LRP1B: variants seen among roughly 807,000 people sequenced by gnomAD.
LRP1B encodes the protein LDL receptor related protein 1B.
In LRP1B, 217 loss-of-function variants were observed where a neutral mutation model predicts 556.6. The observed-to-expected ratio is 0.39, with a 90% CI of 0.35 to 0.44. The LOEUF is 0.44. Ranked by LOEUF, LRP1B falls within the 20% of genes least tolerant of loss-of-function variation. The pLI, the probability that LRP1B is intolerant of heterozygous loss-of-function variation, is 1.00. For missense variants in LRP1B, 5,053 were observed against 5,620.8 expected, an observed-to-expected ratio of 0.90 and a Z score of 3.23; for synonymous variants, 2,047 against 1,865.8, an observed-to-expected ratio of 1.10 and a Z score of -2.50.
At chr2:140,619,083 AC>A (rs1683360100) in intron 41 of LRP1B, among the ~76,000 whole-genome samples, 2 of 9,886 alleles carry the variant, frequency 2.0e-4, no homozygotes, top group Admixed American at 1.3e-3. Context: ...CTACACACAC[AC>A]ACACACACAC....
intron 66 of LRP1B, among the ~76,000 whole-genome samples, chr2:140,442,288 G>A (rs1319630345): frequency 1.3e-5 from 2 of 152,080 alleles, no homozygotes; most frequent in African/African-American, 4.8e-5. Context: ...TAAAGTTCTG[G>A]GTTATATTAA....
chr2:141,646,656 C>T (rs928844891), intron 2 of LRP1B, among the ~76,000 whole-genome samples: 14 of 151,890 alleles, frequency 9.2e-5, no homozygotes, highest in Admixed American at 3.3e-4. Context: ...TGCAGGGAAC[C>T]GTATAAATAG....
chr2:140,868,283 AAG>A lies in LRP1B; in HGVS notation c.4170-22_4170-21del, dbSNP rs777362932. 3 of 1,522,736 alleles carry A rather than the reference AAG, an allele frequency of 2.0e-6. No individual in the cohort carries two copies. Among genetic ancestry groups the A allele is most frequent in the Admixed American group, 2.1e-5 (1 of 47,630 alleles). The allele number at this position is 1,522,736 out of a possible 1,614,324, so 94.3% of individuals were successfully genotyped here. A position where few individuals can be genotyped will look rare whatever the true frequency, so the allele number is the denominator to read the frequency against. ...AGAATTCTAAAAAAAAAAAAAAAAAAAGAAATAATACTATTGTTTCAGTCATT... is the reference window on the plus strand; with the variant it reads ...AGAATTCTAAAAAAAAAAAAAAAAAAAAATAATACTATTGTTTCAGTCATT... On this transcript the variant is annotated intron_variant, in intron 25 of 90. Transcript: ENST00000389484.
At chr2:141,740,000 G>A (rs539258274) in intron 2 of LRP1B, among the ~76,000 whole-genome samples, 40 of 151,798 alleles carry the variant, frequency 2.6e-4, no homozygotes, top group African/African-American at 9.2e-4. Flanking sequence ...GTTGAAAAGA[G>A]GTAAGATAGA....
chr2:141,084,386 T>G (rs1699996988), intron 7 of LRP1B, among the ~76,000 whole-genome samples: 1 of 152,156 alleles, frequency 6.6e-6, no homozygotes. Context: ...CAAGCAAAAA[T>G]GTTAAGGAAC....
intron 11 of LRP1B, among the ~76,000 whole-genome samples, chr2:141,044,266 A>T (rs1698798762): frequency 6.6e-6 from 1 of 151,588 alleles, no homozygotes; most frequent in Non-Finnish European, 1.5e-5. Flanking sequence ...TACAAAAATC[A>T]ATTCAAGGTG....
intron 11 of LRP1B, among the ~76,000 whole-genome samples, chr2:141,025,774 T>C (rs1475040198): frequency 6.6e-6 from 1 of 152,092 alleles, no homozygotes; most frequent in Non-Finnish European, 1.5e-5. Flanking sequence ...TCTGTTTCTC[T>C]AGAGAATCCT....
intron 2 of LRP1B, among the ~76,000 whole-genome samples, chr2:141,690,320 G>A (rs1691468771): frequency 1.4e-5 from 2 of 145,174 alleles, no homozygotes; most frequent in South Asian, 4.4e-4. Context: ...TGTGGTACAG[G>A]TGTCCCATAT....
At chr2:140,416,944 G>C (rs1573913129) in intron 66 of LRP1B, among the ~76,000 whole-genome samples, 1 of 152,092 alleles carries the variant, frequency 6.6e-6, no homozygotes. Flanking sequence ...TTTCAAAAAG[G>C]GGAAAGACCC....
At chr2:141,890,348 A>ATATATATG (rs1558942768) in intron 1 of LRP1B, among the ~76,000 whole-genome samples, 22 of 131,528 alleles carry the variant, frequency 1.7e-4, no homozygotes, top group African/African-American at 6.0e-4. Context: ...ATATATATAT[A>ATATATATG]TATGTATTGT....
At chr2:140,993,554 T>G (rs1384706596) in intron 16 of LRP1B, among the ~76,000 whole-genome samples, 1 of 152,072 alleles carries the variant, frequency 6.6e-6, no homozygotes, top group African/African-American at 2.4e-5. Context: ...TCCAAACCCA[T>G]GTCTGTTTCC....
At chr2:140,482,146 C>A (rs920148292) in intron 59 of LRP1B, among the ~76,000 whole-genome samples, 3 of 123,230 alleles carry the variant, frequency 2.4e-5, no homozygotes, top group African/African-American at 2.5e-5. Flanking sequence ...GGGGACCATG[C>A]ATTTTATTTT....
chr2:141,304,260 T>C (rs80004346), intron 3 of LRP1B, among the ~76,000 whole-genome samples: 15,997 of 152,098 alleles, frequency 0.11, 1,013 homozygotes, highest in African/African-American at 0.16. Context: ...CAGAAGCTTT[T>C]TCATTTAATA....
chr2:140,534,269 T>G, intron 46 of LRP1B, 129 bp from the exon 47 acceptor site: 1 of 880,728 alleles, frequency 1.1e-6, no homozygotes, highest in Non-Finnish European at 1.7e-6. Flanking sequence ...CTGTGCCATA[T>G]AATAGCTCTG....
chr2:140,786,154 A>T (rs191046620), intron 32 of LRP1B, among the ~76,000 whole-genome samples: 20 of 152,290 alleles, frequency 1.3e-4, no homozygotes, highest in African/African-American at 4.8e-4. Context: ...CCATGATTAG[A>T]TGCCTGCTTA....
intron 2 of LRP1B, among the ~76,000 whole-genome samples, chr2:141,641,297 T>C (rs996802555): frequency 1.3e-5 from 2 of 152,266 alleles, no homozygotes; most frequent in South Asian, 2.1e-4. Context: ...TTTAAACATA[T>C]GCATTCAAAC....
chr2:141,654,879 T>C (rs949977047), intron 2 of LRP1B, among the ~76,000 whole-genome samples: 1 of 152,154 alleles, frequency 6.6e-6, no homozygotes, highest in Non-Finnish European at 1.5e-5. Flanking sequence ...GCGATATTTA[T>C]GATAAGTTGT....
chr2:140,674,611 G>C (rs1371136455), intron 41 of LRP1B, among the ~76,000 whole-genome samples: 1 of 152,206 alleles, frequency 6.6e-6, no homozygotes, highest in Non-Finnish European at 1.5e-5. Flanking sequence ...CCCAACTGAA[G>C]CAATGTATGT....
At chr2:141,222,718 G>T (rs1393788507) in intron 6 of LRP1B, among the ~76,000 whole-genome samples, 2 of 152,118 alleles carry the variant, frequency 1.3e-5, no homozygotes, top group Non-Finnish European at 2.9e-5. Context: ...AAGCCAACTT[G>T]CAAGGCTGGT....
Sources: allele counts gnomAD v4.1 joint callset (sites outside exome capture counted in the v4.1 genomes callset), GRCh38; gene constraint gnomAD v4.1.1; transcripts MANE v1.5; gene names NCBI Gene and HGNC (gene_info 2026-07-23, HGNC 2026-07-21).